The following MED13 variants were observed in gnomAD, a reference collection of about 807,000 sequenced individuals.
MED13 encodes mediator of RNA polymerase II transcription subunit 13.
In MED13, 23 loss-of-function variants were observed where a neutral mutation model predicts 225.2. The observed-to-expected ratio is 0.10, with a 90% confidence interval of 0.07 to 0.14. The LOEUF is 0.14. MED13 is among the 10% of genes least tolerant of loss of function. The pLI is 1.00. For missense variants in MED13, 2,197 were observed against 2,594.5 expected (o/e 0.85, Z 3.33); for synonymous variants, 942 against 889.2 (o/e 1.06, Z -1.06).
intron 17 of MED13, among the ~76,000 whole-genome samples, chr17:61,970,868 T>C (rs1393290553): frequency 6.6e-6 from 1 of 151,198 alleles, no homozygotes; most frequent in Non-Finnish European, 1.5e-5. Flanking sequence ...CTACAAAATA[T>C]ACAAAAATTA....
intron 27 of MED13, among the ~76,000 whole-genome samples, chr17:61,952,361 A>G (rs1305027629): frequency 2.0e-5 from 3 of 152,152 alleles, no homozygotes; most frequent in Non-Finnish European, 2.9e-5. Flanking sequence ...TTTTTATTAT[A>G]TTCCTTGTCA....
intron 12 of MED13, 55 bp from the exon 13 acceptor site, chr17:61,985,145 A>C: frequency 7.1e-7 from 1 of 1,399,542 alleles, no homozygotes; most frequent in Admixed American, 1.8e-5. Flanking sequence ...GTGATCTCAA[A>C]ATAGTAATCA....
chr17:61,992,241 CG>C (rs1163452422), intron 11 of MED13, among the ~76,000 whole-genome samples: 1 of 152,092 alleles, frequency 6.6e-6, no homozygotes, highest in African/African-American at 2.4e-5. Flanking sequence ...CTTCCTTTCA[CG>C]TAATTCCCAG....
chr17:62,032,394 A>G (rs1398384889), intron 5 of MED13: 2 of 149,710 alleles, frequency 1.3e-5, no homozygotes, highest in African/African-American at 2.5e-5. Flanking sequence ...GAACTGCTTG[A>G]GCCCGGGAGG....
chr17:61,977,079 TCTA>T (rs909356280), intron 16 of MED13, among the ~76,000 whole-genome samples: 44 of 152,390 alleles, frequency 2.9e-4, no homozygotes, highest in African/African-American at 9.6e-4. Flanking sequence ...ATCCTGATCA[TCTA>T]CTGTGTTCAT....
rs377534416 is a variant in MED13, at chr17:61,968,305, T to C, written c.3968-47A>G. 31 of 1,266,060 alleles carry C rather than the reference T, an allele frequency of 2.4e-5. No homozygotes were observed. The South Asian group carries it at 3.1e-4, about 13-fold the overall frequency. 78.4% of individuals were successfully genotyped at this position (1,266,060 alleles called of 1,614,324 possible). On this transcript the variant is annotated intron_variant, in intron 17 of 29. Coordinates refer to ENST00000397786, the MANE Select transcript of MED13 (RefSeq NM_005121.3). ...TAAGAAAACACTTAAAAACAAGACA[T>C]GTCTCCTTTTTATTTATTTATTTAT...
intron 3 of MED13, among the ~76,000 whole-genome samples, chr17:62,044,591 A>G (rs959195824): frequency 7.9e-5 from 12 of 152,266 alleles, no homozygotes; most frequent in Non-Finnish European, 1.3e-4. Context: ...ATTATATCCT[A>G]TATGTACATG....
chr17:61,986,210 C>T (rs940026820), intron 12 of MED13, among the ~76,000 whole-genome samples: 1 of 151,986 alleles, frequency 6.6e-6, no homozygotes. Context: ...ATGGGATACA[C>T]AGTAAAAGTT....
At chr17:61,950,041 T>C (rs975594797) in intron 28 of MED13, among the ~76,000 whole-genome samples, 1 of 152,228 alleles carries the variant, frequency 6.6e-6, no homozygotes, top group African/African-American at 2.4e-5. Context: ...TGCAGTATGA[T>C]GTAATTCAAA....
intron 28 of MED13, among the ~76,000 whole-genome samples, chr17:61,948,181 A>G (rs1013615425): frequency 2.0e-5 from 3 of 152,212 alleles, no homozygotes; most frequent in Admixed American, 6.5e-5. Context: ...AGGTGGCTTT[A>G]CTGCCTACAG....
chr17:61,974,544 T>C (rs1320463570), intron 16 of MED13, among the ~76,000 whole-genome samples: 3 of 124,760 alleles, frequency 2.4e-5, no homozygotes, highest in Non-Finnish European at 4.7e-5. Context: ...CTGGCACATG[T>C]ACCCATAACC....
Position 62,052,692 on chromosome 17 carries a change from T to A in MED13, c.315A>T (p.Gly105=). The A allele has an allele frequency of 6.4e-7, 1 of 1,562,466 alleles. No individual in the cohort carries two copies. Among genetic ancestry groups the A allele is most frequent in the Non-Finnish European group, 8.7e-7 (1 of 1,152,608 alleles). The change falls in exon 3 of 30, where the codon GGA becomes GGT. Residue 105 remains glycine, a synonymous_variant. Coordinates refer to ENST00000397786, the MANE Select transcript of MED13 (RefSeq NM_005121.3). Reference sequence around the variant, plus strand: ...CATAGGAAAGTCCATTCTCCCACACTCCATCTTCTTCTTCTAAAAGAGAAA... The same window carrying A: ...CATAGGAAAGTCCATTCTCCCACACACCATCTTCTTCTTCTAAAAGAGAAA... ...IHHDLSEEED[G]VWENGLSYEC...
intron 4 of MED13, 40 bp from the exon 5 acceptor site, chr17:62,034,024 CT>C (rs1440257632): frequency 6.4e-7 from 1 of 1,550,600 alleles, no homozygotes; most frequent in East Asian, 2.2e-5. Context: ...TAACAAAAGA[CT>C]GTTTTACCAA....
rs949374083 is a variant in MED13 at position 61,962,778 on chromosome 17, G to A, written c.5038C>T (p.His1680Tyr). Residue 1680 changes from histidine (H) to tyrosine (Y), a missense_variant, in exon 21 of 30, where the codon CAT becomes TAT. Around this residue, in one of 12 missense-constraint regions of MED13, gnomAD observed 457 missense variants for 442.2 expected, o/e 1.03. Transcript: ENST00000397786. ...FLEMVQTLPP[H>Y]IKSTVSVQII... ...TGTACAGAAACAGTACTCTTGATAT[G>A]AGGAGGAAGAGTCTGGACCATTTCT... 4 of 1,613,864 alleles carry A rather than the reference G, an allele frequency of 2.5e-6. No individual in the cohort carries two copies. The highest frequency in any genetic ancestry group is 2.7e-5 in the African/African-American group (2 of 74,906).
intron 16 of MED13, among the ~76,000 whole-genome samples, chr17:61,976,470 C>T (rs991675678): frequency 2.0e-5 from 3 of 152,090 alleles, no homozygotes; most frequent in African/African-American, 7.2e-5. Context: ...TGTTTTAAAA[C>T]CCACTGTGTT....
Position 61,968,203 on chromosome 17 carries a change from A to G in MED13, c.4023T>C (p.Asp1341=). ...ATGGAGAAAGCACCAGATAATCATA[A>G]TCATAACCCAACAAAAATGTGGGGA... The part of the protein sequence containing the change: ...LPIPTFLLGY[D]YDYLVLSPFA... The change falls in exon 18 of 30, where the codon GAT becomes GAC. Residue 1341 remains aspartate (D), a synonymous_variant. Transcript: ENST00000397786. The G allele has an allele frequency of 6.2e-7, 1 of 1,614,142 alleles. No individual in the cohort carries two copies. The highest frequency in any genetic ancestry group is 2.2e-5 in the East Asian group (1 of 44,864).
At chr17:62,037,466 A>G (rs941388781) in intron 3 of MED13, among the ~76,000 whole-genome samples, 2 of 151,440 alleles carry the variant, frequency 1.3e-5, no homozygotes, top group Admixed American at 1.3e-4. Flanking sequence ...GGAGTTTGAG[A>G]CCAGCCTGGC....
Position 62,028,110 on chromosome 17 carries a change from C to G in MED13, c.1283+1431G>C, listed in dbSNP as rs141589687. Among the ~76,000 whole-genome samples the G allele has an allele frequency of 5.8e-3, 877 of 152,226 alleles. 7 individuals carry two copies. Among genetic ancestry groups the G allele is most frequent in the African/African-American group, 0.02 (835 of 41,544 alleles). Reference sequence around the variant, plus strand: ...AAAGACACATATACGCAAATGTCCACTGCAGCACTATTCACAATAGCAAAG... The same window carrying G: ...AAAGACACATATACGCAAATGTCCAGTGCAGCACTATTCACAATAGCAAAG... On this transcript the variant is annotated intron_variant, in intron 8 of 29. Coordinates refer to ENST00000397786, the MANE Select transcript of MED13 (RefSeq NM_005121.3).
At chr17:62,021,525 G>A (rs2080647328) in intron 8 of MED13, among the ~76,000 whole-genome samples, 1 of 152,248 alleles carries the variant, frequency 6.6e-6, no homozygotes, top group Admixed American at 6.5e-5. Flanking sequence ...CCCGGACGGG[G>A]CGAGCAGCCT....
Sources: allele counts gnomAD v4.1 joint callset (sites outside exome capture counted in the v4.1 genomes callset), GRCh38; gene constraint gnomAD v4.1.1; regional missense constraint gnomAD v4.1.1; transcripts MANE v1.5; gene names NCBI Gene and HGNC (gene_info 2026-07-23, HGNC 2026-07-21).